ENOX1: variants seen among roughly 807,000 people sequenced by gnomAD.
ENOX1 encodes the protein ecto-NOX disulfide-thiol exchanger 1.
Under a neutral mutation model 82.5 loss-of-function variants are expected in ENOX1, and 42 were observed. The observed-to-expected ratio is 0.51, with a 90% confidence interval of 0.40 to 0.66. The LOEUF (loss-of-function observed/expected upper bound fraction) is 0.66, where lower values mean the gene tolerates loss of function less well. Among genes scored for constraint, ENOX1 ranks in the 30% least tolerant of loss-of-function variants. The pLI is 0.00. For missense variants in ENOX1, 608 were observed against 811.6 expected, an observed-to-expected ratio of 0.75 and a Z score of 3.05; for synonymous variants, 271 against 282.2, an observed-to-expected ratio of 0.96 and a Z score of 0.40.
chr13:43,614,816 C>T (rs2082339455), intron 2 of ENOX1, among the ~76,000 whole-genome samples: 1 of 152,140 alleles, frequency 6.6e-6, no homozygotes, highest in Non-Finnish European at 1.5e-5. Flanking sequence ...GATGTGGACT[C>T]TGGAGCCTTG....
At chr13:43,742,250 A>G (rs1390549039) in intron 1 of ENOX1, among the ~76,000 whole-genome samples, 4 of 152,120 alleles carry the variant, frequency 2.6e-5, no homozygotes, top group Non-Finnish European at 1.5e-5. Flanking sequence ...CCCATGATCG[A>G]CATGCTGGTC....
In ENOX1 at chr13:43,786,077, G is replaced by A. The variant is rs1952588726; in HGVS notation, c.-285+575C>T. The stretch of plus-strand genomic sequence containing the variant: ...TGTCCAAGGTGTCCGAGCTCCCCGC[G>A]AGAGGGGACAGTCACGAATAACAAC... On this transcript the variant is annotated intron_variant, in intron 1 of 16. Coordinates refer to ENST00000690772, the MANE Select transcript of ENOX1 (RefSeq NM_001347969.2). This position sits in a 1 kb window ranked among gnomAD's most constrained non-coding sequence, Gnocchi z 6.0. Among the ~76,000 whole-genome samples, 1 of 152,334 alleles carries A rather than the reference G, an allele frequency of 6.6e-6. No homozygotes were observed. The highest frequency in any genetic ancestry group is 2.1e-4 in the South Asian group (1 of 4,824).
chr13:43,385,054 G>C (rs2052321682), intron 5 of ENOX1, among the ~76,000 whole-genome samples: 1 of 152,308 alleles, frequency 6.6e-6, no homozygotes, highest in South Asian at 2.1e-4. Context: ...GAAGGACTGT[G>C]GCACTGGGAT....
At chr13:43,332,071 C>A (rs1484316100) in intron 9 of ENOX1, among the ~76,000 whole-genome samples, 1 of 152,132 alleles carries the variant, frequency 6.6e-6, no homozygotes, top group African/African-American at 2.4e-5. Flanking sequence ...TCCATTACAG[C>A]CCACTTAAAA....
intron 14 of ENOX1, among the ~76,000 whole-genome samples, chr13:43,241,453 A>G (rs555671814): frequency 1.3e-5 from 2 of 152,314 alleles, no homozygotes; most frequent in East Asian, 1.9e-4. Flanking sequence ...TGTTAGTGGT[A>G]TACAAAGTAC....
chr13:43,734,518 C>A (rs1427141934), intron 1 of ENOX1, among the ~76,000 whole-genome samples: 1 of 152,212 alleles, frequency 6.6e-6, no homozygotes, highest in Non-Finnish European at 1.5e-5. Flanking sequence ...CTGAGGTCAT[C>A]CTGCCTTCCT....
At chr13:43,626,450 C>T (rs2082966098) in intron 2 of ENOX1, among the ~76,000 whole-genome samples, 1 of 151,578 alleles carries the variant, frequency 6.6e-6, no homozygotes. Flanking sequence ...GAATTTAGTC[C>T]TATAAATTTC....
At chr13:43,477,875 T>G (rs892894255) in intron 3 of ENOX1, among the ~76,000 whole-genome samples, 1 of 152,154 alleles carries the variant, frequency 6.6e-6, no homozygotes, top group African/African-American at 2.4e-5. Flanking sequence ...ATTACTTTTT[T>G]AAGCTCCTCG....
chr13:43,771,674 G>A (rs1951609956), intron 1 of ENOX1, among the ~76,000 whole-genome samples: 1 of 152,036 alleles, frequency 6.6e-6, no homozygotes, highest in South Asian at 2.1e-4. Flanking sequence ...ATCTCTATTT[G>A]TTTACTGGTG....
intron 2 of ENOX1, among the ~76,000 whole-genome samples, chr13:43,568,645 C>T (rs1162706375): frequency 7.9e-5 from 12 of 151,068 alleles, no homozygotes; most frequent in Non-Finnish European, 4.4e-5. Flanking sequence ...CCAATTCTAG[C>T]TTCAGCCTTT....
At chr13:43,357,687 T>C (rs551165327) in intron 7 of ENOX1, among the ~76,000 whole-genome samples, 1 of 152,198 alleles carries the variant, frequency 6.6e-6, no homozygotes, top group East Asian at 1.9e-4. Flanking sequence ...AGAAGCAGTT[T>C]TCAAACATTT....
intron 7 of ENOX1, 87 bp from the exon 8 acceptor site, chr13:43,356,239 G>A (rs1037996527): frequency 7.0e-6 from 8 of 1,138,262 alleles, no homozygotes; most frequent in Middle Eastern, 2.0e-4. Flanking sequence ...TTAGGCAAAT[G>A]CTCACTTATT....
chr13:43,629,596 T>TCAGAA (rs1241018673), intron 2 of ENOX1, among the ~76,000 whole-genome samples: 1 of 152,218 alleles, frequency 6.6e-6, no homozygotes, highest in African/African-American at 2.4e-5. Context: ...GAAAGTGGAA[T>TCAGAA]TCTGTATTTT....
At chr13:43,582,405 C>A (rs1004652348) in intron 2 of ENOX1, among the ~76,000 whole-genome samples, 2 of 151,880 alleles carry the variant, frequency 1.3e-5, no homozygotes, top group African/African-American at 4.8e-5. Flanking sequence ...AATAAATATA[C>A]AGAAATATAA....
intron 14 of ENOX1, among the ~76,000 whole-genome samples, chr13:43,245,047 G>C (rs532094976): frequency 1.4e-4 from 22 of 152,250 alleles, no homozygotes; most frequent in African/African-American, 5.3e-4. Context: ...TATATGATTA[G>C]AACTGTGGTT....
chr13:43,293,378 C>T (rs1244318322), intron 12 of ENOX1, among the ~76,000 whole-genome samples: 1 of 152,000 alleles, frequency 6.6e-6, no homozygotes, highest in Non-Finnish European at 1.5e-5. Context: ...TCCACCACAG[C>T]TACCTTCATC....
intron 10 of ENOX1, among the ~76,000 whole-genome samples, chr13:43,324,916 T>C (rs1314673592): frequency 6.6e-6 from 1 of 152,262 alleles, no homozygotes; most frequent in Non-Finnish European, 1.5e-5. Context: ...ATGGCCTTTT[T>C]ATGCTCAGGT....
intron 2 of ENOX1, among the ~76,000 whole-genome samples, chr13:43,646,496 T>C (rs1376910693): frequency 6.6e-6 from 1 of 152,210 alleles, no homozygotes; most frequent in Non-Finnish European, 1.5e-5. Flanking sequence ...GCCTGACGAC[T>C]CTGCAGCTAC....
intron 2 of ENOX1, among the ~76,000 whole-genome samples, chr13:43,535,842 TC>T (rs2078436577): frequency 6.6e-6 from 1 of 152,218 alleles, no homozygotes. Context: ...CTGATACAGT[TC>T]CACTCCTTGT....
Sources: allele counts gnomAD v4.1 joint callset (sites outside exome capture counted in the v4.1 genomes callset), GRCh38; gene constraint gnomAD v4.1.1; non-coding constraint Gnocchi (gnomAD v3.1); transcripts MANE v1.5; gene names NCBI Gene and HGNC (gene_info 2026-07-23, HGNC 2026-07-21).